COMMD10: variants seen among roughly 807,000 people sequenced by gnomAD.
The protein encoded by COMMD10 is COMM domain containing 10, also known as COMM domain-containing protein 10.
A neutral mutation model predicts 28.9 loss-of-function variants in COMMD10; 33 were observed. The ratio of observed to expected loss-of-function variants is 1.14; its 90% CI spans 0.87 to 1.53. The LOEUF (loss-of-function observed/expected upper bound fraction) is 1.53. COMMD10 is among the 40% of genes most tolerant of loss of function. The pLI is 0.00. For missense variants in COMMD10, 310 were observed against 233.4 expected (o/e 1.33, Z -2.14); for synonymous variants, 110 against 81.7 (o/e 1.35, Z -1.87).
At chr5:116,220,350 C>T (rs985055484) in intron 5 of COMMD10, among the ~76,000 whole-genome samples, 15 of 152,112 alleles carry the variant, frequency 9.9e-5, no homozygotes, top group Non-Finnish European at 2.9e-5. Context: ...TAAAGGAATT[C>T]TAAGCCCCTA....
intron 5 of COMMD10, among the ~76,000 whole-genome samples, chr5:116,224,183 A>G (rs916901029): frequency 2.6e-5 from 4 of 152,120 alleles, no homozygotes; most frequent in Non-Finnish European, 5.9e-5. Context: ...TATCTTTTCA[A>G]TGAGAAATAG....
chr5:116,101,872 T>C (rs1224711868), intron 4 of COMMD10, among the ~76,000 whole-genome samples: 1 of 152,222 alleles, frequency 6.6e-6, no homozygotes, highest in Non-Finnish European at 1.5e-5. Flanking sequence ...TGTCTATTCA[T>C]GTCCTTTGCC....
At chr5:116,224,620 A>ACTCATTTATTGTGAGGACAG (rs1749345758) in intron 5 of COMMD10, among the ~76,000 whole-genome samples, 1 of 152,018 alleles carries the variant, frequency 6.6e-6, no homozygotes, top group Non-Finnish European at 1.5e-5. Flanking sequence ...CAGAGCGAGA[A>ACTCATTTATTGTGAGGACAG]CTCATTTATT....
intron 5 of COMMD10, among the ~76,000 whole-genome samples, chr5:116,198,219 G>C (rs773327537): frequency 3.3e-5 from 5 of 151,954 alleles, no homozygotes; most frequent in African/African-American, 4.8e-5. Flanking sequence ...CTTTTTGTAT[G>C]CCTTTTATAG....
chr5:116,151,395 C>T (rs997315338), intron 5 of COMMD10, among the ~76,000 whole-genome samples: 3 of 151,934 alleles, frequency 2.0e-5, no homozygotes, highest in Non-Finnish European at 4.4e-5. Context: ...GGGAGGATTC[C>T]CTCTTTTTCT....
At chr5:116,087,163 A>G (rs557711795) in intron 1 of COMMD10, among the ~76,000 whole-genome samples, 1 of 152,288 alleles carries the variant, frequency 6.6e-6, no homozygotes, top group East Asian at 1.9e-4. Context: ...CACCCCTTTC[A>G]GAGTTCCATT....
At chr5:116,288,794 T>A (rs1260574509) in intron 5 of COMMD10, among the ~76,000 whole-genome samples, 1 of 151,508 alleles carries the variant, frequency 6.6e-6, no homozygotes, top group Non-Finnish European at 1.5e-5. Context: ...TTTTTTATAG[T>A]TTCTGTGTTT....
At chr5:116,231,245 TAATA>T (rs1345220481) in intron 5 of COMMD10, among the ~76,000 whole-genome samples, 1 of 152,194 alleles carries the variant, frequency 6.6e-6, no homozygotes, top group Non-Finnish European at 1.5e-5. Flanking sequence ...GATATCTTGT[TAATA>T]AATTTACCGA....
rs374896194 is a variant in COMMD10 at position 116,115,663 on chromosome 5, A to G, written c.400-18405A>G. Among the ~76,000 whole-genome samples the G allele has an allele frequency of 7.7e-4, 117 of 152,270 alleles. 2 individuals are homozygous for G. In the South Asian group the frequency reaches 0.023, roughly 30 times the overall value. On this transcript the variant is annotated intron_variant, in intron 4 of 6. Coordinates refer to ENST00000274458, the MANE Select transcript of COMMD10 (RefSeq NM_016144.4). Reference sequence around the variant, plus strand: ...TCTTTTCAGACAGAAATTGAATGCTATGTTTAATTTTATTCCTGAAATTCT... The same window carrying G: ...TCTTTTCAGACAGAAATTGAATGCTGTGTTTAATTTTATTCCTGAAATTCT...
chr5:116,272,088 A>T (rs1750775037), intron 5 of COMMD10, among the ~76,000 whole-genome samples: 1 of 151,816 alleles, frequency 6.6e-6, no homozygotes, highest in Admixed American at 6.6e-5. Flanking sequence ...AAAAGATGCA[A>T]ATTTTATTTC....
chr5:116,166,216 G>C (rs1403427680), intron 5 of COMMD10, among the ~76,000 whole-genome samples: 2 of 147,394 alleles, frequency 1.4e-5, no homozygotes, highest in African/African-American at 5.3e-5. Context: ...AATATATTTT[G>C]AACCATAAGA....
intron 4 of COMMD10, among the ~76,000 whole-genome samples, chr5:116,118,953 CTTA>C (rs1310745150): frequency 9.9e-5 from 15 of 152,194 alleles, no homozygotes; most frequent in Non-Finnish European, 1.8e-4. Flanking sequence ...CAAAATCACT[CTTA>C]TTATGTCACA....
Position 116,244,071 on chromosome 5 carries a change from G to T in COMMD10, c.511-47446G>T, listed in dbSNP as rs1749879763. Among the ~76,000 whole-genome samples, 2 of 151,976 alleles carry T rather than the reference G, an allele frequency of 1.3e-5. 1 individual carries two copies. The highest frequency in any genetic ancestry group is 2.9e-5 in the Non-Finnish European group (2 of 67,940). On this transcript the variant is annotated intron_variant, in intron 5 of 6. Coordinates refer to ENST00000274458, the MANE Select transcript of COMMD10 (RefSeq NM_016144.4). Reference sequence around the variant, plus strand: ...TTATATATCTATATATCATGTATTTGGACTGATTCAAGGAATCTGTGCTTC... The same window carrying T: ...TTATATATCTATATATCATGTATTTTGACTGATTCAAGGAATCTGTGCTTC...
chr5:116,239,339 C>A (rs575647258), intron 5 of COMMD10, among the ~76,000 whole-genome samples: 1 of 152,166 alleles, frequency 6.6e-6, no homozygotes, highest in Non-Finnish European at 1.5e-5. Flanking sequence ...CATAGACTTA[C>A]TCACACATTT....
chr5:116,111,963 A>G (rs1295954002), intron 4 of COMMD10, among the ~76,000 whole-genome samples: 4 of 152,106 alleles, frequency 2.6e-5, no homozygotes, highest in South Asian at 2.1e-4. Context: ...GGGTGCATGT[A>G]TGTTTAGAAT....
intron 4 of COMMD10, among the ~76,000 whole-genome samples, chr5:116,129,866 C>G (rs1751810461): frequency 6.8e-6 from 1 of 146,610 alleles, no homozygotes; most frequent in South Asian, 2.1e-4. Context: ...TATTATATAG[C>G]TATTAAGTAT....
chr5:116,123,102 T>C (rs554137476), intron 4 of COMMD10, among the ~76,000 whole-genome samples: 1 of 151,140 alleles, frequency 6.6e-6, no homozygotes, highest in Admixed American at 6.6e-5. Flanking sequence ...TGATATGATA[T>C]TGGCTGTGGG....
At chr5:116,184,605 C>T (rs949681692) in intron 5 of COMMD10, among the ~76,000 whole-genome samples, 7 of 152,010 alleles carry the variant, frequency 4.6e-5, no homozygotes, top group African/African-American at 9.7e-5. Context: ...AAAAAAGCAG[C>T]GTCAACTTTT....
chr5:116,154,800 T>A (rs1580497519), intron 5 of COMMD10, among the ~76,000 whole-genome samples: 1 of 134,566 alleles, frequency 7.4e-6, no homozygotes, highest in East Asian at 2.1e-4. Flanking sequence ...TTTTTTTTTT[T>A]AATATACAGT....
Sources: allele counts gnomAD v4.1 joint callset (sites outside exome capture counted in the v4.1 genomes callset), GRCh38; gene constraint gnomAD v4.1.1; transcripts MANE v1.5; gene names NCBI Gene and HGNC (gene_info 2026-07-23, HGNC 2026-07-21).